VSTM2A: variants seen among roughly 807,000 people sequenced by gnomAD.
The protein encoded by VSTM2A is V-set and transmembrane domain-containing protein 2A.
In VSTM2A, 13 loss-of-function variants were observed where a neutral mutation model predicts 27.3. That is an observed-to-expected ratio of 0.48 (90% CI 0.31 to 0.76). VSTM2A has a LOEUF of 0.76. Among genes scored for constraint, VSTM2A ranks in the 30% least tolerant of loss-of-function variants. The pLI, the probability that VSTM2A is intolerant of heterozygous loss-of-function variation, is 0.05. For missense variants in VSTM2A, 280 were observed against 310.0 expected, an observed-to-expected ratio of 0.90 and a Z score of 0.73; for synonymous variants, 142 against 125.7, an observed-to-expected ratio of 1.13 and a Z score of -0.87.
chr7:54,548,193 C>CATACAT (rs1788064855), intron 3 of VSTM2A, among the ~76,000 whole-genome samples: 2 of 152,068 alleles, frequency 1.3e-5, no homozygotes, highest in Non-Finnish European at 2.9e-5. Context: ...ATCTAAAGGC[C>CATACAT]AGTAACAAAA....
intron 2 of VSTM2A, among the ~76,000 whole-genome samples, chr7:54,545,549 G>A (rs1273276230): frequency 2.5e-4 from 27 of 106,556 alleles, no homozygotes; most frequent in South Asian, 8.1e-4. Flanking sequence ...TTGGAGTGGG[G>A]AGGGGAGAAG....
intron 3 of VSTM2A, among the ~76,000 whole-genome samples, chr7:54,548,613 A>G (rs1788079803): frequency 1.3e-5 from 2 of 152,220 alleles, no homozygotes; most frequent in African/African-American, 4.8e-5. Flanking sequence ...TGGGATAATA[A>G]TATAAATACT....
intron 4 of VSTM2A, chr7:54,553,740 T>C: frequency 7.6e-7 from 1 of 1,315,604 alleles, no homozygotes; most frequent in Non-Finnish European, 1.0e-6. Flanking sequence ...TCCCAGGATC[T>C]TGACCAGGAT....
chr7:54,552,508 A>G (rs964737082), intron 4 of VSTM2A: 4 of 152,194 alleles, frequency 2.6e-5, no homozygotes, highest in Non-Finnish European at 5.9e-5. Flanking sequence ...TTCAGATTAT[A>G]TTCAAATAAA....
rs1330589966 is a variant in VSTM2A, at chr7:54,550,086, A to T, written c.550A>T (p.Ile184Phe). Residue 184 changes from isoleucine (I) to phenylalanine (F), a missense_variant, in exon 4 of 5, where the codon ATC (isoleucine) becomes TTC (phenylalanine). By Grantham distance (21) the Ile-to-Phe change is conservative. Transcript: ENST00000402613. Reference sequence around the variant, plus strand: ...CGTCTCCGCAGCCATCCCCAGCAGCATCCATGGCTCTGCCAACCAACGAAC... The same window carrying T: ...CGTCTCCGCAGCCATCCCCAGCAGCTTCCATGGCTCTGCCAACCAACGAAC... ...KNVSAAIPSS[I>F]HGSANQRTHS... The T allele has an allele frequency of 1.2e-6, 2 of 1,608,840 alleles. No individual in the cohort carries two copies. The highest frequency in any genetic ancestry group is 2.2e-5 in the South Asian group (2 of 89,850).
Position 54,544,650 on chromosome 7 carries a change from G to T in VSTM2A, c.108G>T (p.Val36=). 6.2e-7 allele frequency: 1 copy of T among 1,612,982 alleles called. No individual in the cohort carries two copies. The highest frequency in any genetic ancestry group is 1.7e-5 in the Admixed American group (1 of 60,026). Reference sequence around the variant, plus strand: ...AATTTACCGAGTTTCCGCGGAACGTGACGGCGACCGAGGGGCAGAATGTGG... The same window carrying T: ...AATTTACCGAGTTTCCGCGGAACGTTACGGCGACCGAGGGGCAGAATGTGG... ...QAKFTEFPRN[V]TATEGQNVEM... The change falls in exon 2 of 5, where the codon GTG becomes GTT. Residue 36 remains valine, a synonymous_variant. Transcript: ENST00000402613.
intron 3 of VSTM2A, chr7:54,547,254 G>T: frequency 2.4e-6 from 1 of 418,810 alleles, no homozygotes. Context: ...TTCTTTCCTT[G>T]CTTTTTGTAA....
chr7:54,547,774 G>A (rs1788051070), intron 3 of VSTM2A, among the ~76,000 whole-genome samples: 1 of 152,088 alleles, frequency 6.6e-6, no homozygotes, highest in South Asian at 2.1e-4. Context: ...TTTGTTTTTA[G>A]AAATCTAAAA....
Position 54,549,962 on chromosome 7 carries a change from C to T in VSTM2A, c.426C>T (p.Ala142=), listed in dbSNP as rs767081352. Residue 142 remains alanine (A), a synonymous_variant, in exon 4 of 5, where the codon GCC becomes GCT. Coordinates refer to ENST00000402613, the MANE Select transcript of VSTM2A (RefSeq NM_001301009.2). ...ANYGELQEHK[A]QAYLKVNANS... is the part of the protein sequence containing the mutation. ...ACGGGGAGCTTCAGGAACACAAGGCCCAGGCCTATCTGAAAGTCAATGCCA... is the reference window on the plus strand; with the variant it reads ...ACGGGGAGCTTCAGGAACACAAGGCTCAGGCCTATCTGAAAGTCAATGCCA... 1 of 1,613,544 alleles carries T rather than the reference C, an allele frequency of 6.2e-7. No individual in the cohort carries two copies. Among genetic ancestry groups the T allele is most frequent in the African/African-American group, 1.3e-5 (1 of 74,918 alleles).
chr7:54,563,496 G>A (rs1426909635), intron 4 of VSTM2A, among the ~76,000 whole-genome samples: 2 of 152,168 alleles, frequency 1.3e-5, no homozygotes, highest in African/African-American at 4.8e-5. Flanking sequence ...AAAATGTGCT[G>A]TTTTCAGATG....
chr7:54,546,715 G>A (rs1788002876), intron 2 of VSTM2A: 1 of 508,344 alleles, frequency 2.0e-6, no homozygotes, highest in African/African-American at 2.0e-5. Context: ...GGACAGCCCC[G>A]GGGAAAGCGC....
intron 3 of VSTM2A, among the ~76,000 whole-genome samples, chr7:54,547,754 ATT>A (rs1788050437): frequency 6.6e-6 from 1 of 152,176 alleles, no homozygotes. Flanking sequence ...GCATAAACAT[ATT>A]GTTATTATTT....
At chr7:54,553,847 T>C in intron 4 of VSTM2A, 6 of 1,551,106 alleles carry the variant, frequency 3.9e-6, no homozygotes, top group Non-Finnish European at 5.2e-6. Flanking sequence ...TCTCTACTTG[T>C]TTCTTCCTGT....
At chr7:54,554,694 C>T (rs2115849883) in intron 4 of VSTM2A, among the ~76,000 whole-genome samples, 1 of 152,318 alleles carries the variant, frequency 6.6e-6, no homozygotes, top group South Asian at 2.1e-4. Context: ...ACTGTGGAAG[C>T]AGTGCAGCCA....
chr7:54,565,900 G>C (rs940942686), intron 4 of VSTM2A, among the ~76,000 whole-genome samples: 1 of 152,166 alleles, frequency 6.6e-6, no homozygotes. Flanking sequence ...AGAAATGCTT[G>C]CCTGATGCAT....
At chr7:54,561,961 G>A (rs1788575882) in intron 4 of VSTM2A, among the ~76,000 whole-genome samples, 2 of 152,052 alleles carry the variant, frequency 1.3e-5, no homozygotes, top group African/African-American at 4.8e-5. Context: ...GTCTCACTCT[G>A]TCACCCAGGC....
chr7:54,549,273 G>A (rs931281555), intron 3 of VSTM2A, among the ~76,000 whole-genome samples: 15 of 152,098 alleles, frequency 9.9e-5, no homozygotes, highest in Non-Finnish European at 1.9e-4. Context: ...CCTATGACTA[G>A]AGGCAAGACT....
At position 54,553,719 on chromosome 7, in the gene VSTM2A, G is replaced by A. The variant is rs141011368; in HGVS notation, c.634+3549G>A. 8.6e-5 allele frequency: 95 copies of A among 1,109,844 alleles called. No homozygotes were observed. The African/African-American group carries it at 1.3e-3, about 15-fold the overall frequency. The allele number at this position is 1,109,844 out of a possible 1,614,324, so 68.7% of individuals were successfully genotyped here. ...GAGGAGGGTGGCACCAAGCACAACT[G>A]ACTGTGGAAGTCCCAGGATCTTGAC... is the stretch of plus-strand genomic sequence containing the variant. On this transcript the variant is annotated intron_variant, in intron 4 of 4. Transcript: ENST00000402613.
At chr7:54,553,802 A>G in intron 4 of VSTM2A, 1 of 1,543,608 alleles carries the variant, frequency 6.5e-7, no homozygotes, top group Non-Finnish European at 8.7e-7. Flanking sequence ...ACGCCCCTCC[A>G]CCATGCCCCC....
Sources: allele counts gnomAD v4.1 joint callset (sites outside exome capture counted in the v4.1 genomes callset), GRCh38; gene constraint gnomAD v4.1.1; transcripts MANE v1.5; gene names NCBI Gene and HGNC (gene_info 2026-07-23, HGNC 2026-07-21).